The following CDH13 variants were observed in gnomAD, a reference collection of about 807,000 sequenced individuals.
CDH13 encodes the protein cadherin 13.
CDH13 carries 24 observed loss-of-function variants against 63.8 expected under a neutral mutation model. The ratio of observed to expected loss-of-function variants is 0.38; its 90% CI spans 0.27 to 0.53. The LOEUF is 0.53. CDH13 is among the 20% of genes least tolerant of loss of function. The pLI is 0.85. For missense variants in CDH13, 1,049 were observed against 903.1 expected (o/e 1.16, Z -2.07); for synonymous variants, 503 against 355.3 (o/e 1.42, Z -4.67).
At chr16:83,598,937 C>A (rs984377917) in intron 7 of CDH13, among the ~76,000 whole-genome samples, 4 of 152,200 alleles carry the variant, frequency 2.6e-5, no homozygotes, top group Non-Finnish European at 5.9e-5. Context: ...TTGAATTTCA[C>A]TCCCAGGGTG....
At chr16:82,858,713 T>C in intron 2 of CDH13, 1 of 593,766 alleles carries the variant, frequency 1.7e-6, no homozygotes, top group Non-Finnish European at 3.0e-6. Context: ...TCCATACTGC[T>C]GTCAGAAAAG....
intron 6 of CDH13, among the ~76,000 whole-genome samples, chr16:83,354,034 C>T (rs766753689): frequency 4.6e-5 from 7 of 152,184 alleles, no homozygotes; most frequent in Non-Finnish European, 8.8e-5. Context: ...TTTAAAGTGG[C>T]AGCAGGGCAA....
chr16:83,567,553 A>G (rs1904293979), intron 7 of CDH13, among the ~76,000 whole-genome samples: 1 of 152,156 alleles, frequency 6.6e-6, no homozygotes, highest in Admixed American at 6.5e-5. Flanking sequence ...AAAAAGCAAG[A>G]AATTGTCTAG....
At chr16:82,767,447 A>G (rs2035097697) in intron 1 of CDH13, among the ~76,000 whole-genome samples, 1 of 152,144 alleles carries the variant, frequency 6.6e-6, no homozygotes, top group Admixed American at 6.5e-5. Flanking sequence ...TGTTTTTAGG[A>G]TCCTTGCATG....
At position 83,404,894 on chromosome 16, in the gene CDH13, T is replaced by C. The variant is rs112892280; in HGVS notation, c.781+59888T>C. On this transcript the variant is annotated intron_variant, in intron 6 of 13. Coordinates refer to ENST00000567109, the MANE Select transcript of CDH13 (RefSeq NM_001257.5). Reference sequence around the variant, plus strand: ...TCTTTAATGGCTATGTGATGTTGCATTTTATGGATGAACCATAATCCTCAA... The same window carrying C: ...TCTTTAATGGCTATGTGATGTTGCACTTTATGGATGAACCATAATCCTCAA... Among the ~76,000 whole-genome samples the C allele has an allele frequency of 2.5e-3, 374 of 152,360 alleles. 4 individuals are homozygous for C. The highest frequency in any genetic ancestry group is 8.4e-3 in the African/African-American group (351 of 41,580).
intron 5 of CDH13, among the ~76,000 whole-genome samples, chr16:83,221,217 G>A (rs994940474): frequency 3.9e-5 from 6 of 152,032 alleles, no homozygotes; most frequent in East Asian, 3.9e-4. Context: ...TCTGCTTACC[G>A]GGGCTGGGAA....
chr16:83,504,633 G>A (rs1456116972), intron 7 of CDH13, among the ~76,000 whole-genome samples: 3 of 152,122 alleles, frequency 2.0e-5, no homozygotes, highest in Non-Finnish European at 4.4e-5. Flanking sequence ...TGCCAGTGGG[G>A]CTGATATGGG....
intron 11 of CDH13, among the ~76,000 whole-genome samples, chr16:83,776,437 A>C (rs1915119526): frequency 6.6e-6 from 1 of 152,256 alleles, no homozygotes; most frequent in Non-Finnish European, 1.5e-5. Context: ...CTCTAACGAA[A>C]GTTGATGATA....
At chr16:82,651,253 T>C (rs1035609353) in intron 1 of CDH13, among the ~76,000 whole-genome samples, 1 of 152,256 alleles carries the variant, frequency 6.6e-6, no homozygotes, top group Non-Finnish European at 1.5e-5. Context: ...GGCACCCAGC[T>C]AAGTACTTTC....
intron 2 of CDH13, among the ~76,000 whole-genome samples, chr16:83,016,582 C>G (rs1914819405): frequency 6.6e-6 from 1 of 152,232 alleles, no homozygotes; most frequent in East Asian, 1.9e-4. Context: ...TGATTGGCAT[C>G]CCTGCTGGTT....
chr16:83,548,830 G>A (rs4346195), intron 7 of CDH13, among the ~76,000 whole-genome samples: 152,150 of 152,212 alleles, frequency 1, 76,044 homozygotes, highest in Non-Finnish European at 1. Flanking sequence ...CTGCCCTAGA[G>A]GAGAAACCTA....
intron 5 of CDH13, among the ~76,000 whole-genome samples, chr16:83,296,398 T>C (rs1159058246): frequency 6.6e-6 from 1 of 152,148 alleles, no homozygotes; most frequent in African/African-American, 2.4e-5. Context: ...AGAAATGCTA[T>C]TGATTATAGG....
intron 3 of CDH13, among the ~76,000 whole-genome samples, chr16:83,065,954 G>A (rs2031976763): frequency 6.6e-6 from 1 of 152,156 alleles, no homozygotes; most frequent in Admixed American, 6.5e-5. Context: ...AAGAAGAATT[G>A]CAGTTTGGAT....
chr16:83,296,529 T>C (rs1353493470), intron 5 of CDH13, among the ~76,000 whole-genome samples: 2 of 152,144 alleles, frequency 1.3e-5, no homozygotes, highest in East Asian at 3.9e-4. Flanking sequence ...TGTAGTTTAT[T>C]AGTAATGTCT....
At chr16:83,492,428 T>C (rs544908722) in intron 7 of CDH13, among the ~76,000 whole-genome samples, 2 of 152,332 alleles carry the variant, frequency 1.3e-5, no homozygotes, top group African/African-American at 2.4e-5. Flanking sequence ...ATGATTCAGA[T>C]AGTAGCATCC....
At chr16:83,074,683 T>A (rs1815698421) in intron 3 of CDH13, among the ~76,000 whole-genome samples, 1 of 152,258 alleles carries the variant, frequency 6.6e-6, no homozygotes. Flanking sequence ...ATGACTGATT[T>A]CTATGAACAG....
chr16:83,681,954 T>C (rs1915443516), intron 10 of CDH13, among the ~76,000 whole-genome samples: 1 of 152,202 alleles, frequency 6.6e-6, no homozygotes, highest in South Asian at 2.1e-4. Flanking sequence ...GGAAAAGAAC[T>C]CTTCCTTCTT....
chr16:83,422,842 G>A (rs999625502), intron 6 of CDH13, among the ~76,000 whole-genome samples: 6 of 152,148 alleles, frequency 3.9e-5, no homozygotes, highest in Non-Finnish European at 8.8e-5. Flanking sequence ...AAGTGCCTGG[G>A]ACACAATGAA....
rs1237759301 is a variant in CDH13, at chr16:82,916,147, G to A, written c.157+57674G>A. ...TCCAAAGTTCAATTCCATAAAGCAA[G>A]CGTTTATTTGTCACTTTCAATATAC... On this transcript the variant is annotated intron_variant, in intron 2 of 13. Coordinates refer to ENST00000567109, the MANE Select transcript of CDH13 (RefSeq NM_001257.5). Among the ~76,000 whole-genome samples, 8 of 152,208 alleles carry A rather than the reference G, an allele frequency of 5.3e-5. No individual in the cohort carries two copies. The South Asian group carries it at 8.3e-4, about 16-fold the overall frequency.
Sources: gnomAD v4.1 joint callset for allele counts (sites outside exome capture counted in the v4.1 genomes callset) on GRCh38, gnomAD v4.1.1 for gene constraint, MANE v1.5 for transcripts, NCBI Gene and HGNC (gene_info 2026-07-23, HGNC 2026-07-21) for gene names.